Variants in NOC3L observed in about 807,000 individuals in gnomAD.
The protein encoded by NOC3L is nucleolar complex protein 3 homolog.
Under a neutral mutation model 102.5 loss-of-function variants are expected in NOC3L, and 85 were observed. The observed-to-expected ratio is 0.83, with a 90% CI of 0.70 to 0.99. NOC3L has a LOEUF of 0.99. Among genes scored for constraint, NOC3L ranks in the 50% least tolerant of loss-of-function variants. The probability of loss-of-function intolerance (pLI) is 0.00; values close to 1 mark genes in which losing one functional copy is unlikely to be tolerated. For missense variants in NOC3L, 878 were observed against 914.9 expected (o/e 0.96, Z 0.52); for synonymous variants, 303 against 309.4 (o/e 0.98, Z 0.22).
intron 12 of NOC3L, 40 bp from the exon 13 acceptor site, chr10:94,344,555 G>C: frequency 1.4e-6 from 2 of 1,406,352 alleles, no homozygotes; most frequent in Admixed American, 3.4e-5. Flanking sequence ...AGGATAACCT[G>C]GTATGCTTTC....
intron 1 of NOC3L, among the ~76,000 whole-genome samples, chr10:94,362,141 G>A (rs2054558576): frequency 6.6e-6 from 1 of 152,132 alleles, no homozygotes; most frequent in African/African-American, 2.4e-5. Context: ...AGTGGTAAGT[G>A]GCTATTCAAG....
intron 14 of NOC3L, among the ~76,000 whole-genome samples, chr10:94,341,047 C>T (rs952671832): frequency 1.3e-5 from 2 of 151,398 alleles, no homozygotes; most frequent in Non-Finnish European, 2.9e-5. Context: ...TGCCCCACAT[C>T]TGTAGTCCCA....
intron 8 of NOC3L, among the ~76,000 whole-genome samples, chr10:94,350,901 A>C (rs972358759): frequency 3.9e-5 from 6 of 152,058 alleles, no homozygotes; most frequent in African/African-American, 1.4e-4. Context: ...AATACAAACC[A>C]GATTTGAACT....
intron 8 of NOC3L, 85 bp from the exon 9 acceptor site, chr10:94,350,373 AAC>A (rs912253319): frequency 9.4e-5 from 97 of 1,035,516 alleles, no homozygotes; most frequent in Non-Finnish European, 1.3e-4. Flanking sequence ...TGTACATTTT[AAC>A]ACACATAAAC....
At chr10:94,343,991 T>C (rs925364939) in intron 13 of NOC3L, among the ~76,000 whole-genome samples, 5 of 152,170 alleles carry the variant, frequency 3.3e-5, no homozygotes, top group African/African-American at 1.2e-4. Context: ...AGGCCATTAG[T>C]GTTGAGTGAA....
At chr10:94,348,674 G>T (rs1313071338) in intron 10 of NOC3L, among the ~76,000 whole-genome samples, 1 of 152,078 alleles carries the variant, frequency 6.6e-6, no homozygotes, top group Non-Finnish European at 1.5e-5. Flanking sequence ...TGAGCAGGTA[G>T]GAGGGAACTG....
chr10:94,345,970 AAAATAAATAAAT>A (rs989195519), intron 11 of NOC3L, among the ~76,000 whole-genome samples: 1 of 152,170 alleles, frequency 6.6e-6, no homozygotes, highest in Non-Finnish European at 1.5e-5. Context: ...CGTTTATCAA[AAAATAAATAAAT>A]AAATAAATAA....
chr10:94,360,144 C>T (rs1054410985), intron 2 of NOC3L, among the ~76,000 whole-genome samples: 5 of 151,976 alleles, frequency 3.3e-5, no homozygotes, highest in Non-Finnish European at 4.4e-5. Context: ...GGTGAAACCC[C>T]GGCTCTACTA....
rs375949578 is a variant in NOC3L at position 94,357,156 on chromosome 10, C to T, written c.508+18G>A. The T allele has an allele frequency of 3.4e-6, 5 of 1,477,218 alleles. No homozygotes were observed. Among genetic ancestry groups the T allele is most frequent in the Non-Finnish European group, 4.5e-6 (5 of 1,108,886 alleles). 91.5% of individuals were successfully genotyped at this position (1,477,218 alleles called of 1,614,324 possible). ...GGGGGTAAAAGTTCAACTAATATTA[C>T]CAGTTTATTAGACTCACCTGGCTTC... On this transcript the variant is annotated intron_variant, in intron 4 of 20. Transcript: ENST00000371361.
At chr10:94,339,677 T>G in intron 17 of NOC3L, 62 bp downstream of exon 17, 1 of 1,389,910 alleles carries the variant, frequency 7.2e-7, no homozygotes, top group Non-Finnish European at 9.8e-7. Flanking sequence ...AAGACATGCC[T>G]CAAACAAAAA....
rs111938683 is a variant in NOC3L, at chr10:94,358,221, CCACACACA to C, written c.218-14_218-7del. On this transcript the variant is annotated splice_polypyrimidine_tract_variant and splice_region_variant and intron_variant, in intron 2 of 20. Transcript: ENST00000371361. ...TTCCCTCTCAATCCTTTTACCTGTA[CCACACACA>C]CACACACACAAAGAAAAATTAGAAA... 2 of 1,229,076 alleles carry C rather than the reference CCACACACA, an allele frequency of 1.6e-6. No individual in the cohort carries two copies. Among genetic ancestry groups the C allele is most frequent in the Non-Finnish European group, 2.4e-6 (2 of 841,796 alleles). 76.1% of individuals were successfully genotyped at this position (1,229,076 alleles called of 1,614,324 possible). A position where few individuals can be genotyped will look rare whatever the true frequency, so the allele number is the denominator to read the frequency against.
the NOC3L span, among the ~76,000 whole-genome samples, chr10:94,319,444 C>T: frequency 6.6e-6 from 1 of 152,112 alleles, no homozygotes; most frequent in African/African-American, 2.4e-5. Flanking sequence ...AAGCAGTTTG[C>T]CCATATATGA....
rs1346817390 is a variant in NOC3L, at chr10:94,340,502, A to G, written c.1645-6T>C. The G allele has an allele frequency of 7.6e-7, 1 of 1,312,090 alleles. No individual in the cohort carries two copies. Among genetic ancestry groups the G allele is most frequent in the African/African-American group, 1.7e-5 (1 of 58,772 alleles). The allele number at this position is 1,312,090 out of a possible 1,614,324, so 81.3% of individuals were successfully genotyped here. On this transcript the variant is annotated splice_polypyrimidine_tract_variant and splice_region_variant and intron_variant, in intron 14 of 20. Coordinates refer to ENST00000371361, the MANE Select transcript of NOC3L (RefSeq NM_022451.11). ...CTTTCTTGATAGCTTAGGTCCTTTA[A>G]AAAAAAAAGGGGGGGGTGAGGGGGA...
At chr10:94,324,285 T>G in the NOC3L span, 1 of 1,306,658 alleles carries the variant, frequency 7.7e-7, no homozygotes. Flanking sequence ...AAGTTTCATA[T>G]AGAATGAATG....
chr10:94,346,287 G>T (rs548783228), intron 11 of NOC3L, 138 bp downstream of exon 11: 100 of 532,750 alleles, frequency 1.9e-4, no homozygotes, highest in Non-Finnish European at 2.5e-4. Flanking sequence ...AACAGGAAAA[G>T]ATAAAATTCT....
intron 6 of NOC3L, among the ~76,000 whole-genome samples, 178 bp from the exon 7 acceptor site, chr10:94,353,235 T>C (rs1205587680): frequency 6.6e-6 from 1 of 152,190 alleles, no homozygotes; most frequent in Admixed American, 6.5e-5. Flanking sequence ...ACTAAAGTCA[T>C]AAAGTAATTG....
In NOC3L at chr10:94,353,202, C is replaced by T. The variant is rs908125365; in HGVS notation, c.697-145G>A. 256 of 634,116 alleles carry T rather than the reference C, an allele frequency of 4.0e-4. 1 individual carries two copies. The highest frequency in any genetic ancestry group is 5.7e-4 in the Non-Finnish European group (210 of 368,760). 39.3% of individuals were successfully genotyped at this position (634,116 alleles called of 1,614,324 possible). Reference sequence around the variant, plus strand: ...ATGCCACACCAAACTCCAGACCCTGCTCACTTTACCAAGAGATAAGTCACT... The same window carrying T: ...ATGCCACACCAAACTCCAGACCCTGTTCACTTTACCAAGAGATAAGTCACT... On this transcript the variant is annotated intron_variant, in intron 6 of 20. Coordinates refer to ENST00000371361, the MANE Select transcript of NOC3L (RefSeq NM_022451.11).
chr10:94,346,806 GC>G (rs2054349696), intron 10 of NOC3L, among the ~76,000 whole-genome samples: 1 of 152,110 alleles, frequency 6.6e-6, no homozygotes, highest in African/African-American at 2.4e-5. Flanking sequence ...AACTTTCTTT[GC>G]AGTTTAATGA....
the NOC3L span, chr10:94,325,335 A>C: frequency 5.6e-5 from 24 of 431,166 alleles, no homozygotes; most frequent in Non-Finnish European, 9.9e-5. Context: ...GTGGTGGCGC[A>C]TGCCTGTAAT....
Sources: allele counts gnomAD v4.1 joint callset (sites outside exome capture counted in the v4.1 genomes callset), GRCh38; gene constraint gnomAD v4.1.1; transcripts MANE v1.5; gene names NCBI Gene and HGNC (gene_info 2026-07-23, HGNC 2026-07-21).